Variants in OR1F1 observed in about 807,000 individuals in gnomAD.
OR1F1 encodes olfactory receptor family 1 subfamily F member 1.
For missense variants in OR1F1, 493 were observed against 376.3 expected (o/e 1.31, Z -2.57); for synonymous variants, 184 against 156.7 (o/e 1.17, Z -1.30).
chr16:3,204,279 G>C (rs1446050859), exon 1 of OR1F1: 1 of 1,612,154 alleles, frequency 6.2e-7, no homozygotes, highest in Non-Finnish European at 8.5e-7. Context: ...GTGTCTCCGA[G>C]TTCCTCCTCC....
chr16:3,198,715 G>A, the OR1F1 span, among the ~76,000 whole-genome samples: 3 of 152,154 alleles, frequency 2.0e-5, no homozygotes, highest in Non-Finnish European at 4.4e-5. Context: ...AGCGGTGGAC[G>A]CGGTGGCTCA....
chr16:3,188,913 C>T, the OR1F1 span, among the ~76,000 whole-genome samples: 1 of 152,110 alleles, frequency 6.6e-6, no homozygotes, highest in Non-Finnish European at 1.5e-5. Context: ...GGCAAGGGGG[C>T]GCATCGCAGA....
At chr16:3,190,319 C>A in the OR1F1 span, among the ~76,000 whole-genome samples, 7 of 152,294 alleles carry the variant, frequency 4.6e-5, 1 homozygote, top group South Asian at 1.5e-3. Flanking sequence ...TGAGTCCCAG[C>A]GCCCACCAGG....
upstream of OR1F1, among the ~76,000 whole-genome samples, chr16:3,199,325 G>A (rs8052676): frequency 0.046 from 6,940 of 151,392 alleles, 571 homozygotes; most frequent in African/African-American, 0.16. Flanking sequence ...TTATTATGAT[G>A]ATGAAAATAA....
At chr16:3,202,705 T>TAATAAC (rs869176540), upstream of OR1F1, among the ~76,000 whole-genome samples, 3 of 134,162 alleles carry the variant, frequency 2.2e-5, no homozygotes, top group Non-Finnish European at 4.6e-5. Context: ...ATAATAATAA[T>TAATAAC]AACAATTTAA....
At chr16:3,193,240 T>C in the OR1F1 span, among the ~76,000 whole-genome samples, 1 of 152,222 alleles carries the variant, frequency 6.6e-6, no homozygotes, top group East Asian at 1.9e-4. Context: ...CAGGATCTTT[T>C]GTCATGCCCT....
the OR1F1 span, among the ~76,000 whole-genome samples, chr16:3,193,521 G>A: frequency 6.6e-6 from 1 of 152,248 alleles, no homozygotes; most frequent in Admixed American, 6.5e-5. Flanking sequence ...GAGCTCTACG[G>A]GGAATGGGAG....
chr16:3,193,215 C>T, the OR1F1 span, among the ~76,000 whole-genome samples: 3 of 152,210 alleles, frequency 2.0e-5, no homozygotes, highest in Non-Finnish European at 4.4e-5. Context: ...CGCGAGCCTC[C>T]ACGCCCGGCC....
exon 1 of OR1F1, chr16:3,204,470 T>C (rs1834026): frequency 0.45 from 718,170 of 1,613,016 alleles, 162,520 homozygotes; most frequent in Admixed American, 0.6. Flanking sequence ...TGCTTCTCCT[T>C]CACCACCGTC....
exon 1 of OR1F1, chr16:3,204,540 C>T (rs1958178230): frequency 6.2e-7 from 1 of 1,614,196 alleles, no homozygotes; most frequent in South Asian, 1.1e-5. Context: ...GTGGCTGTCT[C>T]ACACAGATGT....
chr16:3,189,105 G>A, the OR1F1 span, among the ~76,000 whole-genome samples: 1 of 152,208 alleles, frequency 6.6e-6, no homozygotes, highest in South Asian at 2.1e-4. Context: ...CTGGGTTTTG[G>A]CTTCCCTGGG....
upstream of OR1F1, among the ~76,000 whole-genome samples, chr16:3,202,069 A>C (rs1424907512): frequency 6.6e-6 from 1 of 152,142 alleles, no homozygotes; most frequent in African/African-American, 2.4e-5. Flanking sequence ...TCGCCCTTGT[A>C]TTCTTTCCTG....
At chr16:3,206,092 G>A (rs1042082590), downstream of OR1F1, among the ~76,000 whole-genome samples, 8 of 152,162 alleles carry the variant, frequency 5.3e-5, no homozygotes, top group Non-Finnish European at 1.0e-4. Flanking sequence ...CCTTGGGAGA[G>A]GAATGCACTC....
At chr16:3,190,749 TAAAAAAAA>T in the OR1F1 span, among the ~76,000 whole-genome samples, 2 of 92,244 alleles carry the variant, frequency 2.2e-5, no homozygotes, top group African/African-American at 8.8e-5. Context: ...AGACTCTATC[TAAAAAAAA>T]AAAAAAAAAA....
chr16:3,199,877 T>C (rs1262172353), upstream of OR1F1, among the ~76,000 whole-genome samples: 2 of 151,642 alleles, frequency 1.3e-5, no homozygotes, highest in Non-Finnish European at 2.9e-5. Context: ...TAGCTGGGCA[T>C]TGTGGTGCAT....
chr16:3,194,701 C>G, the OR1F1 span, among the ~76,000 whole-genome samples: 7 of 152,238 alleles, frequency 4.6e-5, no homozygotes, highest in Non-Finnish European at 7.4e-5. Flanking sequence ...TAAACAGGAA[C>G]AGGAGAAAAC....
At chr16:3,204,599 T>C (rs780659543) in exon 1 of OR1F1, 3 of 1,614,200 alleles carry the variant, frequency 1.9e-6, no homozygotes, top group Admixed American at 3.3e-5. Context: ...CTAGCTGTGA[T>C]GGCCTATGAC....
At chr16:3,189,543 G>A in the OR1F1 span, among the ~76,000 whole-genome samples, 1 of 152,170 alleles carries the variant, frequency 6.6e-6, no homozygotes, top group Admixed American at 6.5e-5. Flanking sequence ...TCTGAAATAA[G>A]ATTCTACTCA....
exon 1 of OR1F1, chr16:3,205,044 C>A: frequency 6.2e-7 from 1 of 1,614,144 alleles, no homozygotes. Context: ...TGTCCTCCCA[C>A]TCAGCTGAGA....
Sources: allele counts gnomAD v4.1 joint callset (sites outside exome capture counted in the v4.1 genomes callset), GRCh38; gene constraint gnomAD v4.1.1; transcripts MANE v1.5; gene names NCBI Gene and HGNC (gene_info 2026-07-23, HGNC 2026-07-21).